DOCK4: variants seen among roughly 807,000 people sequenced by gnomAD.
DOCK4 encodes the protein dedicator of cytokinesis 4, also known as dedicator of cytokinesis protein 4.
DOCK4 carries 97 observed loss-of-function variants against 268.1 expected under a neutral mutation model. The ratio of observed to expected loss-of-function variants is 0.36; its 90% CI spans 0.31 to 0.43. The LOEUF (loss-of-function observed/expected upper bound fraction) is 0.43. DOCK4 is among the 20% of genes least tolerant of loss of function. The pLI is 1.00. For missense variants in DOCK4, 2,145 were observed against 2,455.7 expected, an observed-to-expected ratio of 0.87 and a Z score of 2.67; for synonymous variants, 954 against 887.2, an observed-to-expected ratio of 1.08 and a Z score of -1.34.
chr7:111,732,218 GC>G lies in DOCK4; in HGVS notation c.5481+7del. On this transcript the variant is annotated splice_region_variant and intron_variant, in intron 52 of 52. Coordinates refer to ENST00000428084, the MANE Select transcript of DOCK4 (RefSeq NM_001363540.2). ...GTCTCTAGCCTCAGTCGAAAGAAGGGCCTTTACCTTCAATGGAGATCGCCCG... is the reference window on the plus strand; with the variant it reads ...GTCTCTAGCCTCAGTCGAAAGAAGGGCTTTACCTTCAATGGAGATCGCCCG... The G allele has an allele frequency of 6.2e-7, 1 of 1,613,814 alleles. No homozygotes were observed. Among genetic ancestry groups the G allele is most frequent in the South Asian group, 1.1e-5 (1 of 91,008 alleles).
At chr7:112,066,358 A>T (rs1806931315) in intron 1 of DOCK4, among the ~76,000 whole-genome samples, 1 of 151,768 alleles carries the variant, frequency 6.6e-6, no homozygotes, top group African/African-American at 2.4e-5. Context: ...AGGCCTTTAG[A>T]CTTGGACTAA....
At chr7:112,153,498 T>C (rs564961132) in intron 1 of DOCK4, among the ~76,000 whole-genome samples, 3 of 152,304 alleles carry the variant, frequency 2.0e-5, no homozygotes, top group African/African-American at 7.2e-5. Flanking sequence ...ATTGGACAAA[T>C]ATAATAATTA....
intron 6 of DOCK4, 97 bp downstream of exon 6, chr7:111,988,918 G>A: frequency 2.0e-6 from 3 of 1,478,002 alleles, no homozygotes; most frequent in Non-Finnish European, 2.7e-6. Context: ...AAGCCCATAG[G>A]ATTGCTTCCA....
chr7:111,839,035 T>G (rs1437463741), intron 25 of DOCK4, among the ~76,000 whole-genome samples: 2 of 152,200 alleles, frequency 1.3e-5, no homozygotes, highest in African/African-American at 4.8e-5. Flanking sequence ...TAATTATCTC[T>G]TAAGGTTCAG....
chr7:112,042,673 T>C (rs1003871123), intron 1 of DOCK4, among the ~76,000 whole-genome samples: 1 of 152,232 alleles, frequency 6.6e-6, no homozygotes, highest in Non-Finnish European at 1.5e-5. Flanking sequence ...GATAACTTGC[T>C]TCTGTTAACA....
chr7:112,128,170 C>T (rs1813417793), intron 1 of DOCK4, among the ~76,000 whole-genome samples: 1 of 152,246 alleles, frequency 6.6e-6, no homozygotes, highest in Non-Finnish European at 1.5e-5. Flanking sequence ...TCTCCTTCCC[C>T]AATCCTAAAA....
chr7:111,861,034 T>C (rs978016980), intron 23 of DOCK4, among the ~76,000 whole-genome samples: 2 of 152,176 alleles, frequency 1.3e-5, no homozygotes, highest in African/African-American at 4.8e-5. Context: ...ATGGCAGAAA[T>C]CAGCAATTCC....
At chr7:111,834,498 A>G in intron 26 of DOCK4, 90 bp downstream of exon 26, 1 of 991,500 alleles carries the variant, frequency 1.0e-6, no homozygotes, top group East Asian at 2.7e-5. Context: ...CAGGTAAAGC[A>G]ATTGTCTAGG....
At chr7:112,030,553 T>TTA (rs1165659059) in intron 1 of DOCK4, among the ~76,000 whole-genome samples, 1 of 152,128 alleles carries the variant, frequency 6.6e-6, no homozygotes, top group African/African-American at 2.4e-5. Context: ...AGTTTGAGGG[T>TTA]TACAGGCCCC....
intron 17 of DOCK4, among the ~76,000 whole-genome samples, chr7:111,874,117 G>C (rs1054886920): frequency 6.6e-6 from 1 of 152,046 alleles, no homozygotes; most frequent in Non-Finnish European, 1.5e-5. Context: ...CCTACTTCCT[G>C]CATCTCACTT....
At chr7:111,924,057 T>C (rs912092230) in intron 12 of DOCK4, among the ~76,000 whole-genome samples, 1 of 152,224 alleles carries the variant, frequency 6.6e-6, no homozygotes, top group Non-Finnish European at 1.5e-5. Flanking sequence ...ATATACTCAA[T>C]ATTCTTTTGA....
At chr7:111,833,209 G>T (rs943015447) in intron 26 of DOCK4, among the ~76,000 whole-genome samples, 1 of 152,098 alleles carries the variant, frequency 6.6e-6, no homozygotes, top group African/African-American at 2.4e-5. Context: ...GAGTGGGTAA[G>T]TCCTAAGGCC....
intron 39 of DOCK4, among the ~76,000 whole-genome samples, chr7:111,761,541 G>A (rs1170536149): frequency 6.6e-6 from 1 of 152,134 alleles, no homozygotes; most frequent in Non-Finnish European, 1.5e-5. Context: ...AAGTTAAGGG[G>A]AGATCAGTTT....
intron 1 of DOCK4, among the ~76,000 whole-genome samples, chr7:112,040,038 T>C (rs1179523951): frequency 6.6e-6 from 1 of 152,174 alleles, no homozygotes; most frequent in Non-Finnish European, 1.5e-5. Context: ...ACCTTGCATG[T>C]AACCCACTAC....
chr7:111,741,561 G>C lies in DOCK4; in HGVS notation c.4898C>G (p.Thr1633Ser). The change falls in exon 46 of 53, where the codon ACC becomes AGC. Residue 1633 changes from threonine to serine, a missense_variant. This residue lies in a region of DOCK4 where 547 missense variants were observed against 469.0 expected (regional missense o/e 1.17). Coordinates refer to ENST00000428084, the MANE Select transcript of DOCK4 (RefSeq NM_001363540.2). ...TTACCTGCGTCTAGGAATTACCCTGGTACCATCTGGGCTCACAGAAGCAGG... is the reference window on the plus strand; with the variant it reads ...TTACCTGCGTCTAGGAATTACCCTGCTACCATCTGGGCTCACAGAAGCAGG... ...SAPASVSPDG[T>S]RVIPRRSPLS... The C allele has an allele frequency of 6.2e-7, 1 of 1,613,342 alleles. No individual in the cohort carries two copies. Among genetic ancestry groups the C allele is most frequent in the Non-Finnish European group, 8.5e-7 (1 of 1,179,658 alleles).
At chr7:111,794,178 T>G (rs551196378) in intron 30 of DOCK4, among the ~76,000 whole-genome samples, 1 of 152,224 alleles carries the variant, frequency 6.6e-6, no homozygotes, top group East Asian at 1.9e-4. Flanking sequence ...GGCAAGAGCA[T>G]GAGTGAGAGT....
intron 23 of DOCK4, among the ~76,000 whole-genome samples, chr7:111,852,518 A>C (rs1804664071): frequency 6.6e-6 from 1 of 152,034 alleles, no homozygotes; most frequent in Admixed American, 6.6e-5. Context: ...AAAAAAAAAA[A>C]ACCCTGAAAA....
chr7:112,170,444 G>A (rs1817989541), intron 1 of DOCK4, among the ~76,000 whole-genome samples: 1 of 151,888 alleles, frequency 6.6e-6, no homozygotes, highest in Admixed American at 6.6e-5. Context: ...CTGGGTGACA[G>A]AATAATACCC....
At chr7:112,086,327 G>A (rs565036233) in intron 1 of DOCK4, among the ~76,000 whole-genome samples, 9 of 152,156 alleles carry the variant, frequency 5.9e-5, no homozygotes, top group East Asian at 3.9e-4. Context: ...ACCAGTTAAC[G>A]TCTGTGTCTG....
Sources: gnomAD v4.1 joint callset for allele counts (sites outside exome capture counted in the v4.1 genomes callset) on GRCh38, gnomAD v4.1.1 for gene constraint, gnomAD v4.1.1 regional missense constraint, MANE v1.5 for transcripts, NCBI Gene and HGNC (gene_info 2026-07-23, HGNC 2026-07-21) for gene names.